The following IFT88 variants were observed in gnomAD, a reference collection of about 807,000 sequenced individuals.
IFT88 encodes the protein intraflagellar transport protein 88 homolog.
A neutral mutation model predicts 119.5 loss-of-function variants in IFT88; 74 were observed. The observed-to-expected ratio is 0.62, with a 90% CI of 0.51 to 0.75. The LOEUF (loss-of-function observed/expected upper bound fraction) is 0.75. Ranked by LOEUF, IFT88 falls within the 30% of genes least tolerant of loss-of-function variation. The pLI is 0.00. For missense variants in IFT88, 961 were observed against 977.7 expected (o/e 0.98, Z 0.23); for synonymous variants, 279 against 316.7 (o/e 0.88, Z 1.26).
intron 22 of IFT88, among the ~76,000 whole-genome samples, chr13:20,657,141 C>G (rs1312836101): frequency 6.6e-6 from 1 of 152,210 alleles, no homozygotes; most frequent in Admixed American, 6.5e-5. Flanking sequence ...CAGGCGTGAG[C>G]CACTGCTCCT....
At chr13:20,659,106 A>G (rs1413780192) in intron 22 of IFT88, among the ~76,000 whole-genome samples, 1 of 152,220 alleles carries the variant, frequency 6.6e-6, no homozygotes, top group Non-Finnish European at 1.5e-5. Context: ...TTTAAAACAT[A>G]TTCTTCACCA....
chr13:20,682,410 A>T (rs2057425615), intron 24 of IFT88, among the ~76,000 whole-genome samples: 1 of 152,238 alleles, frequency 6.6e-6, no homozygotes, highest in African/African-American at 2.4e-5. Flanking sequence ...GGCTAGTGAG[A>T]CTAGGATCTC....
At chr13:20,605,831 C>T (rs1055317230) in intron 13 of IFT88, among the ~76,000 whole-genome samples, 6 of 152,096 alleles carry the variant, frequency 3.9e-5, no homozygotes, top group South Asian at 4.1e-4. Flanking sequence ...GTACTTACCA[C>T]GTTATTATAA....
At chr13:20,668,206 G>A (rs1198679664) in intron 23 of IFT88, among the ~76,000 whole-genome samples, 1 of 152,198 alleles carries the variant, frequency 6.6e-6, no homozygotes, top group East Asian at 1.9e-4. Flanking sequence ...CTGTTGCCTG[G>A]TGGGATTGCT....
intron 8 of IFT88, among the ~76,000 whole-genome samples, 198 bp downstream of exon 8, chr13:20,596,438 T>C (rs1164662221): frequency 6.6e-6 from 1 of 152,178 alleles, no homozygotes; most frequent in Non-Finnish European, 1.5e-5. Flanking sequence ...GGTTTTGTAA[T>C]TTTTGACATT....
intron 4 of IFT88, 104 bp downstream of exon 4, chr13:20,589,971 T>C (rs2040380194): frequency 1.7e-6 from 1 of 574,520 alleles, no homozygotes. Flanking sequence ...ATAATCCAAA[T>C]ATATTTTCTA....
chr13:20,664,116 A>C lies in IFT88; in HGVS notation c.2175+512A>C, dbSNP rs185731933. On this transcript the variant is annotated intron_variant, in intron 23 of 25. Transcript: ENST00000351808. Reference sequence around the variant, plus strand: ...TTTAAGAGGTGAAAAAGTAGACATAAAATATATCAGGCAGTGGATTTTCTT... The same window carrying C: ...TTTAAGAGGTGAAAAAGTAGACATACAATATATCAGGCAGTGGATTTTCTT... Among the ~76,000 whole-genome samples the C allele has an allele frequency of 7.9e-5, 12 of 152,324 alleles. No homozygotes were observed. In the East Asian group the frequency reaches 2.3e-3, roughly 29 times the overall value.
At chr13:20,593,386 CTAA>C (rs965496616) in intron 7 of IFT88, among the ~76,000 whole-genome samples, 1 of 152,056 alleles carries the variant, frequency 6.6e-6, no homozygotes, top group Non-Finnish European at 1.5e-5. Context: ...TCTTAACTTT[CTAA>C]GGCTAGTAAA....
chr13:20,625,784 G>A lies in IFT88; in HGVS notation c.1234G>A (p.Glu412Lys). The A allele has an allele frequency of 1.2e-6, 2 of 1,605,506 alleles. No homozygotes were observed. The highest frequency in any genetic ancestry group is 1.7e-5 in the Admixed American group (1 of 57,698). ...AGTGGTGAAAGCTTCTCAATATGTAGAGCTAGCCAATGATCTGGAAATAAA... is the reference window on the plus strand; with the variant it reads ...AGTGGTGAAAGCTTCTCAATATGTAAAGCTAGCCAATGATCTGGAAATAAA... ...VEVVKASQYVELANDLEINKA... is the reference protein window; with the variant it reads ...VEVVKASQYVKLANDLEINKA... The change falls in exon 15 of 26, where the codon GAG becomes AAG. Residue 412 changes from glutamate (E) to lysine (K), a missense_variant. Transcript: ENST00000351808.
chr13:20,584,739 TC>T (rs1323704763), intron 3 of IFT88, among the ~76,000 whole-genome samples: 3 of 152,198 alleles, frequency 2.0e-5, no homozygotes, highest in Non-Finnish European at 4.4e-5. Context: ...GAAAGTTCTA[TC>T]CCTAATGTTC....
At chr13:20,621,220 C>T (rs2046423590) in intron 14 of IFT88, among the ~76,000 whole-genome samples, 1 of 152,116 alleles carries the variant, frequency 6.6e-6, no homozygotes, top group African/African-American at 2.4e-5. Context: ...GCACACACCA[C>T]CACACCTAGC....
Position 20,610,534 on chromosome 13 carries a change from G to A in IFT88, c.1113-5259G>A, listed in dbSNP as rs374382631. Among the ~76,000 whole-genome samples, 7 of 150,550 alleles carry A rather than the reference G, an allele frequency of 4.6e-5. No individual in the cohort carries two copies. In the South Asian group the frequency reaches 8.4e-4, roughly 18 times the overall value. ...TTCTTTGGACATATCATTGAACTCC[G>A]AAATGAATTCAACCTCCAGGTTTAA... On this transcript the variant is annotated intron_variant, in intron 13 of 25. Transcript: ENST00000351808.
At position 20,569,355 on chromosome 13, in the gene IFT88, C is replaced by T. The variant is rs371695083; in HGVS notation, c.-7+2099C>T. 3.3e-5 allele frequency among the ~76,000 whole-genome samples: 5 copies of T among 151,856 alleles called. No homozygotes were observed. The East Asian group carries it at 5.9e-4, about 18-fold the overall frequency. On this transcript the variant is annotated intron_variant, in intron 1 of 25. Transcript: ENST00000351808. ...TTGGGAGGCCGAGCCGGGCGGATCACGAGGTCAGGAGATCGAGACCATCCT... is the reference window on the plus strand; with the variant it reads ...TTGGGAGGCCGAGCCGGGCGGATCATGAGGTCAGGAGATCGAGACCATCCT...
chr13:20,567,706 A>G (rs1308169742), intron 1 of IFT88: 74 of 1,197,780 alleles, frequency 6.2e-5, no homozygotes, highest in Non-Finnish European at 7.6e-5. Flanking sequence ...AAGTTGAATC[A>G]GGAATGAAGA....
rs750673074 is a variant in IFT88 at position 20,590,992 on chromosome 13, T to C, written c.236T>C (p.Ile79Thr). ...TCCAAGACATCTCTGGCATCATCAATAGGAAGACCAATGACAGGGGCTATT... is the reference window on the plus strand; with the variant it reads ...TCCAAGACATCTCTGGCATCATCAACAGGAAGACCAATGACAGGGGCTATT... ...YGSKTSLASS[I>T]GRPMTGAIQD... is the part of the protein sequence containing the mutation. Residue 79 changes from isoleucine to threonine, a missense_variant, in exon 5 of 26, where the codon ATA (isoleucine) becomes ACA (threonine). Ile to Thr is a moderately conservative substitution (Grantham distance 89). Coordinates refer to ENST00000351808, the MANE Select transcript of IFT88 (RefSeq NM_006531.5). The C allele has an allele frequency of 1.2e-6, 2 of 1,610,212 alleles. No individual in the cohort carries two copies. Among genetic ancestry groups the C allele is most frequent in the Admixed American group, 1.7e-5 (1 of 59,686 alleles).
intron 13 of IFT88, among the ~76,000 whole-genome samples, chr13:20,610,405 C>G (rs1594168708): frequency 6.6e-6 from 1 of 152,156 alleles, no homozygotes; most frequent in Non-Finnish European, 1.5e-5. Flanking sequence ...CGAAGGCAGT[C>G]AAGTCTGCAG....
intron 17 of IFT88, 47 bp from the exon 18 acceptor site, chr13:20,641,243 C>A: frequency 2.1e-6 from 2 of 944,122 alleles, no homozygotes; most frequent in Admixed American, 4.2e-5. Context: ...TAAATTAATA[C>A]CAATAATGAT....
chr13:20,630,256 A>G (rs372748698), intron 15 of IFT88, among the ~76,000 whole-genome samples: 11 of 152,098 alleles, frequency 7.2e-5, no homozygotes, highest in African/African-American at 2.2e-4. Context: ...CTATTTTGCC[A>G]TGTTTCATTT....
chr13:20,626,390 G>T (rs1173759808), intron 15 of IFT88, among the ~76,000 whole-genome samples: 1 of 152,060 alleles, frequency 6.6e-6, no homozygotes, highest in Non-Finnish European at 1.5e-5. Flanking sequence ...TACTTTCTTT[G>T]TATAGCATGG....
Sources: gnomAD v4.1 joint callset for allele counts (sites outside exome capture counted in the v4.1 genomes callset) on GRCh38, gnomAD v4.1.1 for gene constraint, MANE v1.5 for transcripts, NCBI Gene and HGNC (gene_info 2026-07-23, HGNC 2026-07-21) for gene names.